CLIP2: variants seen among roughly 807,000 people sequenced by gnomAD.
CLIP2 encodes CAP-Gly domain-containing linker protein 2.
A neutral mutation model predicts 111.7 loss-of-function variants in CLIP2; 41 were observed. That is an observed-to-expected ratio of 0.37 (90% CI 0.29 to 0.48). The LOEUF (loss-of-function observed/expected upper bound fraction) is 0.48. Ranked by LOEUF, CLIP2 falls within the 20% of genes least tolerant of loss-of-function variation. CLIP2 has a pLI of 0.99. For missense variants in CLIP2, 1,160 were observed against 1,422.1 expected (o/e 0.82, Z 2.96); for synonymous variants, 660 against 644.2 (o/e 1.02, Z -0.37).
At position 74,303,874 on chromosome 7, in the gene CLIP2, T is replaced by A. The variant is rs184487101; in HGVS notation, c.-67-13606T>A. Among the ~76,000 whole-genome samples, 881 of 143,566 alleles carry A rather than the reference T, an allele frequency of 6.1e-3. 4 individuals carry two copies. Among genetic ancestry groups the A allele is most frequent in the Middle Eastern group, 0.028 (7 of 246 alleles). 94.2% of individuals were successfully genotyped at this position (143,566 alleles called of 152,430 possible). On this transcript the variant is annotated intron_variant, in intron 1 of 16. Coordinates refer to ENST00000223398, the MANE Select transcript of CLIP2 (RefSeq NM_003388.5). ...TTGCAGTGAGCTGAGATCGTGCCAC[T>A]GCACTCCAGAATGGGTGACAGAGTG... is the stretch of plus-strand genomic sequence containing the variant.
chr7:74,302,887 C>A (rs567286153), intron 1 of CLIP2, among the ~76,000 whole-genome samples: 2 of 152,348 alleles, frequency 1.3e-5, no homozygotes, highest in African/African-American at 4.8e-5. Context: ...AATGGGTGCT[C>A]TCAGGGCAGC....
At chr7:74,386,707 C>T in intron 12 of CLIP2, 103 bp downstream of exon 12, 1 of 809,234 alleles carries the variant, frequency 1.2e-6, no homozygotes, top group Non-Finnish European at 1.9e-6. Flanking sequence ...GCTTAGGGTC[C>T]CCTCCCCGAC....
intron 1 of CLIP2, among the ~76,000 whole-genome samples, chr7:74,314,863 C>T (rs1221117811): frequency 6.6e-6 from 1 of 152,232 alleles, no homozygotes; most frequent in African/African-American, 2.4e-5. Flanking sequence ...CAGCCAGTCC[C>T]ATCTTGCTGC....
intron 1 of CLIP2, among the ~76,000 whole-genome samples, chr7:74,301,799 A>G (rs972668199): frequency 8.6e-5 from 13 of 151,098 alleles, no homozygotes; most frequent in Middle Eastern, 6.8e-3. Flanking sequence ...TGCAGCCTCT[A>G]TCTCCTGGGC....
At chr7:74,398,033 G>T (rs1791510640) in intron 14 of CLIP2, among the ~76,000 whole-genome samples, 1 of 151,894 alleles carries the variant, frequency 6.6e-6, no homozygotes, top group South Asian at 2.1e-4. Context: ...GTTGGGGTAG[G>T]CAGGTGATGC....
In CLIP2 at chr7:74,350,396, G is replaced by A. The variant is rs192307389; in HGVS notation, c.679-3484G>A. Among the ~76,000 whole-genome samples, 132 of 151,880 alleles carry A rather than the reference G, an allele frequency of 8.7e-4. 1 individual carries two copies. Among genetic ancestry groups the A allele is most frequent in the East Asian group, 4.1e-3 (21 of 5,172 alleles). ...GTTGTATTTTATTTTTTATAGAGAT[G>A]AGGGTCTCACTATATTGCTCAGGCT... On this transcript the variant is annotated intron_variant, in intron 3 of 16. Coordinates refer to ENST00000223398, the MANE Select transcript of CLIP2 (RefSeq NM_003388.5).
At position 74,325,004 on chromosome 7, in the gene CLIP2, C is replaced by G. The variant is rs1789071609; in HGVS notation, c.121+7337C>G. On this transcript the variant is annotated intron_variant, in intron 2 of 16. Coordinates refer to ENST00000223398, the MANE Select transcript of CLIP2 (RefSeq NM_003388.5). ...CTGGGACCCTGGGCAGTGGGCAGCT[C>G]GAGATGTGTGTGGCAGAGGCCGGGG... is the stretch of plus-strand genomic sequence containing the variant. Among the ~76,000 whole-genome samples, 3 of 152,150 alleles carry G rather than the reference C, an allele frequency of 2.0e-5. No individual in the cohort carries two copies. In the South Asian group the frequency reaches 6.2e-4, roughly 32 times the overall value.
At chr7:74,315,445 A>G (rs1448862111) in intron 1 of CLIP2, among the ~76,000 whole-genome samples, 1 of 151,920 alleles carries the variant, frequency 6.6e-6, no homozygotes, top group Admixed American at 6.6e-5. Flanking sequence ...GGGTCTCACT[A>G]TGTTGCCCAG....
intron 3 of CLIP2, 119 bp from the exon 4 acceptor site, chr7:74,353,761 G>T (rs1790073833): frequency 3.6e-6 from 5 of 1,387,320 alleles, no homozygotes; most frequent in Non-Finnish European, 4.1e-6. Flanking sequence ...CCCACTCCTG[G>T]CTCCCGTGTC....
At chr7:74,333,158 G>A (rs1789347062) in intron 2 of CLIP2, among the ~76,000 whole-genome samples, 2 of 152,112 alleles carry the variant, frequency 1.3e-5, no homozygotes, top group South Asian at 2.1e-4. Context: ...ACTGTCTGGG[G>A]AATAAATCAA....
chr7:74,392,948 G>A (rs1024742008), intron 13 of CLIP2, among the ~76,000 whole-genome samples: 13 of 152,046 alleles, frequency 8.6e-5, no homozygotes, highest in Non-Finnish European at 1.8e-4. Context: ...TCTGATGGGC[G>A]TGGGCCCCCT....
intron 3 of CLIP2, among the ~76,000 whole-genome samples, chr7:74,349,468 GTGTA>G (rs1194882801): frequency 0.018 from 1,131 of 61,680 alleles, 10 homozygotes; most frequent in East Asian, 0.025. Flanking sequence ...GTGTGTGTGT[GTGTA>G]TATATATATA....
chr7:74,380,390 C>T (rs1790909821), intron 10 of CLIP2: 1 of 155,228 alleles, frequency 6.4e-6, no homozygotes, highest in African/African-American at 2.4e-5. Flanking sequence ...TGTGCACACA[C>T]TAACCCAAAG....
intron 6 of CLIP2, 102 bp downstream of exon 6, chr7:74,357,579 A>T (rs1203773829): frequency 9.5e-7 from 1 of 1,052,640 alleles, no homozygotes; most frequent in Non-Finnish European, 1.4e-6. Flanking sequence ...GCAGAGAAAT[A>T]TGAAGATAAC....
At chr7:74,339,120 C>G (rs1231637051) in intron 3 of CLIP2, 116 bp downstream of exon 3, 33 of 921,010 alleles carry the variant, frequency 3.6e-5, no homozygotes, top group Non-Finnish European at 5.1e-5. Context: ...GAAGGGGGCT[C>G]GGACAGGGTC....
At chr7:74,307,605 C>T (rs1554727962) in intron 1 of CLIP2, among the ~76,000 whole-genome samples, 1 of 152,200 alleles carries the variant, frequency 6.6e-6, no homozygotes, top group African/African-American at 2.4e-5. Context: ...ATTCTCCTGC[C>T]TCAGCCTCCC....
intron 1 of CLIP2, among the ~76,000 whole-genome samples, chr7:74,308,862 TA>T (rs1381698808): frequency 6.6e-6 from 1 of 151,626 alleles, no homozygotes; most frequent in East Asian, 1.9e-4. Context: ...CGGCCCTTTT[TA>T]AAAAATTTTT....
chr7:74,290,798 T>C (rs1475465291), intron 1 of CLIP2, among the ~76,000 whole-genome samples: 3 of 151,884 alleles, frequency 2.0e-5, no homozygotes, highest in Non-Finnish European at 2.9e-5. Context: ...AATAAGCCCT[T>C]CATTCAGCTG....
At chr7:74,374,603 C>T (rs1299714932) in intron 9 of CLIP2, among the ~76,000 whole-genome samples, 1 of 152,062 alleles carries the variant, frequency 6.6e-6, no homozygotes, top group Non-Finnish European at 1.5e-5. Flanking sequence ...CGCCTGTAGT[C>T]CCAGCTACTT....
Sources: gnomAD v4.1 joint callset for allele counts (sites outside exome capture counted in the v4.1 genomes callset) on GRCh38, gnomAD v4.1.1 for gene constraint, MANE v1.5 for transcripts, NCBI Gene and HGNC (gene_info 2026-07-23, HGNC 2026-07-21) for gene names.